PLEKHH1: variants seen among roughly 807,000 people sequenced by gnomAD.
PLEKHH1 encodes pleckstrin homology domain-containing family H member 1.
In PLEKHH1, 104 loss-of-function variants were observed where a neutral mutation model predicts 160.0. The ratio of observed to expected loss-of-function variants is 0.65; its 90% CI spans 0.55 to 0.76. The LOEUF is 0.76. PLEKHH1 is among the 30% of genes least tolerant of loss of function. PLEKHH1 has a pLI of 0.00. For synonymous variants in PLEKHH1, 619 were observed against 678.4 expected (o/e 0.91, Z 1.36); for missense variants, 1,427 against 1,724.1 (o/e 0.83, Z 3.05).
At chr14:67,563,184 T>C (rs958174554) in intron 7 of PLEKHH1, among the ~76,000 whole-genome samples, 1 of 152,222 alleles carries the variant, frequency 6.6e-6, no homozygotes, top group African/African-American at 2.4e-5. Flanking sequence ...TGTGAGTCTT[T>C]CAGGTGGTCT....
At chr14:67,586,638 A>C in intron 28 of PLEKHH1, 1 of 434,168 alleles carries the variant, frequency 2.3e-6, no homozygotes, top group Non-Finnish European at 4.0e-6. Flanking sequence ...TACAAAGGCT[A>C]AGTTCTGATT....
chr14:67,579,049 C>A, intron 20 of PLEKHH1, 85 bp from the exon 21 acceptor site: 1 of 924,388 alleles, frequency 1.1e-6, no homozygotes, highest in Non-Finnish European at 1.7e-6. Context: ...AGTTTTGGTC[C>A]TGGCTGAGTC....
At chr14:67,549,808 A>C (rs1031503575) in intron 2 of PLEKHH1, among the ~76,000 whole-genome samples, 2 of 152,258 alleles carry the variant, frequency 1.3e-5, no homozygotes, top group African/African-American at 2.4e-5. Context: ...TTCATCCACA[A>C]GCGCTTTCTT....
chr14:67,575,874 C>T lies in PLEKHH1; in HGVS notation c.2221C>T (p.Arg741Ter), dbSNP rs868417029. Residue 741 changes from arginine (R) to a stop codon, truncating the protein, a stop_gained, in exon 16 of 29, where the codon CGA becomes TGA. Transcript: ENST00000329153. LOFTEE classifies it high-confidence loss of function. ...GGATGCGCACATAGAGGAAGTAGATCGATCCTGTGACTCAGACGAGGACTA... is the reference window on the plus strand; with the variant it reads ...GGATGCGCACATAGAGGAAGTAGATTGATCCTGTGACTCAGACGAGGACTA... ...VRDAHIEEVD[R>*]SCDSDEDYEA... The T allele has an allele frequency of 1.2e-6, 2 of 1,613,958 alleles. No homozygotes were observed. Among genetic ancestry groups the T allele is most frequent in the Non-Finnish European group, 1.7e-6 (2 of 1,179,856 alleles).
chr14:67,581,128 A>G (rs1056904114), intron 23 of PLEKHH1, 90 bp downstream of exon 23: 1 of 811,010 alleles, frequency 1.2e-6, no homozygotes, highest in East Asian at 2.5e-5. Context: ...GCCTATCCAG[A>G]CGGGGGGAGG....
chr14:67,587,086 A>G lies in PLEKHH1; in HGVS notation c.3946A>G (p.Thr1316Ala). The change falls in exon 29 of 29, where the codon ACC becomes GCC. Residue 1316 changes from threonine to alanine, a missense_variant. By Grantham distance (58) the Thr-to-Ala change is moderately conservative (BLOSUM62 0). Transcript: ENST00000329153. ...RMAAPKIAEATFIMASYMNHC... is the reference protein window; with the variant it reads ...RMAAPKIAEAAFIMASYMNHC... Reference sequence around the variant, plus strand: ...GACCTCCTCTTAGATTGCAGAAGCTACCTTCATCATGGCCAGCTATATGAA... The same window carrying G: ...GACCTCCTCTTAGATTGCAGAAGCTGCCTTCATCATGGCCAGCTATATGAA... 1 of 1,608,320 alleles carries G rather than the reference A, an allele frequency of 6.2e-7. No homozygotes were observed. The highest frequency in any genetic ancestry group is 2.2e-5 in the East Asian group (1 of 44,814).
chr14:67,552,772 A>T (rs1399426776), intron 2 of PLEKHH1, among the ~76,000 whole-genome samples: 1 of 151,290 alleles, frequency 6.6e-6, no homozygotes, highest in African/African-American at 2.4e-5. Flanking sequence ...GTCTCAAAAA[A>T]AAAAAACAAA....
rs2236235 is a variant in PLEKHH1, at chr14:67,562,596, G to A, written c.965G>A (p.Arg322Gln). 343,647 of 1,611,786 alleles carry A rather than the reference G, an allele frequency of 0.21. 38,546 individuals carry two copies. Among genetic ancestry groups the A allele is most frequent in the East Asian group, 0.28 (12,485 of 44,772 alleles). The change falls in exon 7 of 29, where the codon CGG becomes CAG. Residue 322 changes from arginine to glutamine, a missense_variant. This residue lies in a region of PLEKHH1 where 831 missense variants were observed against 929.2 expected (regional missense o/e 0.89). Transcript: ENST00000329153. Reference protein sequence around the residue: ...LPKVRAPGTPRDSIQLAKRHH... With the variant: ...LPKVRAPGTPQDSIQLAKRHH... ...AAGGTGCGGGCTCCTGGCACCCCGC[G>A]GGACAGCATCCAGTTGGCCAAAAGG...
chr14:67,586,132 G>C (rs374947526), intron 28 of PLEKHH1, 35 bp downstream of exon 28: 13 of 1,609,750 alleles, frequency 8.1e-6, no homozygotes, highest in Non-Finnish European at 1.1e-5. Flanking sequence ...TTCTACTCTG[G>C]CAAGATGTGG....
At chr14:67,585,050 C>T (rs2036084714) in intron 26 of PLEKHH1, 1 of 152,938 alleles carries the variant, frequency 6.5e-6, no homozygotes, top group Non-Finnish European at 1.5e-5. Context: ...ACAGGAATGT[C>T]CACTAAATAG....
In PLEKHH1 at chr14:67,537,221, G is replaced by A. The variant is rs1474516168; in HGVS notation, c.-35+3823G>A. ...TTAGCCAGTGTGGTGGCATCCACCT[G>A]TAATCCCAGCTACTCAGGAGGCTGA... On this transcript the variant is annotated intron_variant, in intron 1 of 28. Transcript: ENST00000329153. Among the ~76,000 whole-genome samples, 2 of 140,898 alleles carry A rather than the reference G, an allele frequency of 1.4e-5. 1 individual carries two copies. Among genetic ancestry groups the A allele is most frequent in the African/African-American group, 5.4e-5 (2 of 36,810 alleles). 92.4% of individuals were successfully genotyped at this position (140,898 alleles called of 152,430 possible).
chr14:67,589,503 T>C lies in PLEKHH1; in HGVS notation c.*2268T>C, dbSNP rs1019392312. 9.1e-6 allele frequency: 9 copies of C among 985,156 alleles called. No individual in the cohort carries two copies. In the African/African-American group the frequency reaches 1.6e-4, roughly 17 times the overall value. 61.0% of individuals were successfully genotyped at this position (985,156 alleles called of 1,614,324 possible). A position where few individuals can be genotyped will look rare whatever the true frequency, so the allele number is the denominator to read the frequency against. Reference sequence around the variant, plus strand: ...ATGACTGAAATACTATGATCTTGTTTGTCAATAAAAAGCAGCTATCTGTGA... The same window carrying C: ...ATGACTGAAATACTATGATCTTGTTCGTCAATAAAAAGCAGCTATCTGTGA... On this transcript the variant is annotated 3_prime_UTR_variant, in exon 29 of 29. Transcript: ENST00000329153.
chr14:67,537,346 AAATAATAAT>A (rs111429286), intron 1 of PLEKHH1, among the ~76,000 whole-genome samples: 10 of 126,606 alleles, frequency 7.9e-5, no homozygotes, highest in African/African-American at 2.5e-4. Flanking sequence ...TCCATCTCAA[AAATAATAAT>A]AATAATAATA....
At chr14:67,547,411 A>C (rs188274047) in intron 2 of PLEKHH1, among the ~76,000 whole-genome samples, 1 of 152,360 alleles carries the variant, frequency 6.6e-6, no homozygotes, top group East Asian at 1.9e-4. Context: ...TGCTTTCCCT[A>C]GCAGAGCCAA....
chr14:67,571,844 C>T lies in PLEKHH1; in HGVS notation c.1527C>T (p.Val509=). The T allele has an allele frequency of 1.2e-6, 2 of 1,613,830 alleles. No individual in the cohort carries two copies. Among genetic ancestry groups the T allele is most frequent in the East Asian group, 2.2e-5 (1 of 44,882 alleles). The stretch of plus-strand genomic sequence containing the variant: ...CTCAGGCGAGTTTCCGAATCTCGGT[C>T]CCCTCCTCTGAGTCCAGGAAGACCA... ...CSSQASFRIS[V]PSSESRKTSG... is the part of the protein sequence containing the mutation. The change falls in exon 10 of 29, where the codon GTC becomes GTT. Residue 509 remains valine, a synonymous_variant. Transcript: ENST00000329153.
chr14:67,573,934 G>C lies in PLEKHH1; in HGVS notation c.1926+47G>C. ...AGTATTTTAAACAGAAGAGGTGCTG[G>C]GTTTGGATATGGCCGTGAGTGAGAC... On this transcript the variant is annotated intron_variant, in intron 13 of 28. Transcript: ENST00000329153. The surrounding 1 kb of genome is among the most constrained non-coding windows in gnomAD (Gnocchi z 4.8). 7.2e-7 allele frequency: 1 copy of C among 1,393,786 alleles called. No individual in the cohort carries two copies. 86.3% of individuals were successfully genotyped at this position (1,393,786 alleles called of 1,614,324 possible). A position where few individuals can be genotyped will look rare whatever the true frequency, so the allele number is the denominator to read the frequency against.
At chr14:67,551,874 TA>T (rs1308739257) in intron 2 of PLEKHH1, among the ~76,000 whole-genome samples, 163 of 142,014 alleles carry the variant, frequency 1.1e-3, no homozygotes, top group Non-Finnish European at 1.1e-3. Flanking sequence ...AGATTCTGTC[TA>T]AAAAAAAAAA....
chr14:67,570,108 T>C (rs1000099512), intron 9 of PLEKHH1, 96 bp downstream of exon 9: 14 of 882,232 alleles, frequency 1.6e-5, no homozygotes, highest in Non-Finnish European at 2.4e-5. Context: ...GCCAGGCTTC[T>C]GCACATGGTG....
Position 67,576,431 on chromosome 14 carries a change from G to A in PLEKHH1, c.2389G>A (p.Gly797Ser), listed in dbSNP as rs1364667144. ...WLYHLTVAAG[G>S]SSAKVGTAYE... Reference sequence around the variant, plus strand: ...CTACCACCTCACAGTGGCTGCAGGTGGCAGCAGTGCCAAGGTGGGCACTGC... The same window carrying A: ...CTACCACCTCACAGTGGCTGCAGGTAGCAGCAGTGCCAAGGTGGGCACTGC... The change falls in exon 17 of 29, where the codon GGC (glycine) becomes AGC (serine). Residue 797 changes from glycine to serine, a missense_variant. This residue lies in a region of PLEKHH1 where 436 missense variants were observed against 607.5 expected (regional missense o/e 0.72). Coordinates refer to ENST00000329153, the MANE Select transcript of PLEKHH1 (RefSeq NM_020715.3). This position sits in a 1 kb window ranked among gnomAD's most constrained non-coding sequence, Gnocchi z 4.0. The A allele has an allele frequency of 6.2e-7, 1 of 1,609,658 alleles. No individual in the cohort carries two copies. Among genetic ancestry groups the A allele is most frequent in the Non-Finnish European group, 8.5e-7 (1 of 1,176,222 alleles).
Sources: gnomAD v4.1 joint callset for allele counts (sites outside exome capture counted in the v4.1 genomes callset) on GRCh38, gnomAD v4.1.1 for gene constraint, gnomAD v4.1.1 regional missense constraint, Gnocchi (gnomAD v3.1) non-coding constraint, MANE v1.5 for transcripts, NCBI Gene and HGNC (gene_info 2026-07-23, HGNC 2026-07-21) for gene names.